The following TRIM55 variants were observed in gnomAD, a reference collection of about 807,000 sequenced individuals.
The protein encoded by TRIM55 is tripartite motif-containing protein 55.
TRIM55 carries 50 observed loss-of-function variants against 60.9 expected under a neutral mutation model. The ratio of observed to expected loss-of-function variants is 0.82; its 90% CI spans 0.65 to 1.04. TRIM55 has a LOEUF of 1.04. Ranked by LOEUF, TRIM55 falls within the 50% of genes least tolerant of loss-of-function variation. The pLI, the probability that TRIM55 is intolerant of heterozygous loss-of-function variation, is 0.00. For synonymous variants in TRIM55, 237 were observed against 238.1 expected (o/e 1.00, Z 0.04); for missense variants, 681 against 666.9 (o/e 1.02, Z -0.23).
chr8:66,166,762 C>G (rs1428576748), intron 9 of TRIM55, among the ~76,000 whole-genome samples: 1 of 152,150 alleles, frequency 6.6e-6, no homozygotes, highest in East Asian at 1.9e-4. Flanking sequence ...TAGCTGGGAG[C>G]TTGTTGCCTT....
At chr8:66,121,701 T>C in the TRIM55 span, among the ~76,000 whole-genome samples, 2 of 152,188 alleles carry the variant, frequency 1.3e-5, no homozygotes, top group Non-Finnish European at 2.9e-5. Context: ...GTTTTCTGTA[T>C]ATCACTTCCT....
chr8:66,157,137 T>C (rs994166671), intron 9 of TRIM55, among the ~76,000 whole-genome samples: 6 of 152,140 alleles, frequency 3.9e-5, no homozygotes, highest in Non-Finnish European at 7.4e-5. Flanking sequence ...AGAGGGAGTG[T>C]CATGCTTCAA....
intron 1 of TRIM55, among the ~76,000 whole-genome samples, chr8:66,127,855 A>G (rs1199428951): frequency 6.6e-6 from 1 of 152,154 alleles, no homozygotes; most frequent in Non-Finnish European, 1.5e-5. Context: ...AAACAAACAA[A>G]CAAAAAAACT....
chr8:66,172,559 T>C (rs372049514), intron 9 of TRIM55, among the ~76,000 whole-genome samples: 1 of 152,162 alleles, frequency 6.6e-6, no homozygotes, highest in South Asian at 2.1e-4. Flanking sequence ...ATGAAGGCAA[T>C]AGTGGGTTAA....
In TRIM55 at chr8:66,128,444, TATC is replaced by T. The variant is rs1808953451; in HGVS notation, c.312_314del (p.Ile105del). The T allele has an allele frequency of 1.9e-6, 3 of 1,613,508 alleles. No homozygotes were observed. The African/African-American group carries it at 4.0e-5, about 22-fold the overall frequency. ...TTCAGAGGAACCTGCTGGTGGAAAA[TATC>T]ATTGACATCTACAAGCAGGAGTCCA... On this transcript the variant is annotated inframe_deletion, in exon 2 of 10. Transcript: ENST00000315962.
chr8:66,127,533 A>T, intron 1 of TRIM55, 97 bp downstream of exon 1: 1 of 1,455,234 alleles, frequency 6.9e-7, no homozygotes, highest in Non-Finnish European at 9.4e-7. Context: ...CCTTTAAAAA[A>T]CTTTATAAGG....
At chr8:66,149,518 C>T in intron 4 of TRIM55, 127 bp from the exon 5 acceptor site, 1 of 718,160 alleles carries the variant, frequency 1.4e-6, no homozygotes, top group South Asian at 1.9e-5. Flanking sequence ...CCTAAATAGA[C>T]ATCTTCAGGG....
upstream of TRIM55, among the ~76,000 whole-genome samples, chr8:66,122,850 G>T (rs1353750700): frequency 6.6e-6 from 1 of 152,140 alleles, no homozygotes; most frequent in Non-Finnish European, 1.5e-5. Flanking sequence ...TCTGACTCTA[G>T]TATAGCATCG....
chr8:66,130,907 C>T (rs906426845), intron 2 of TRIM55, among the ~76,000 whole-genome samples: 19 of 152,008 alleles, frequency 1.2e-4, no homozygotes, highest in African/African-American at 2.7e-4. Flanking sequence ...TTGATCCACC[C>T]GCCTCGGCTT....
Position 66,152,636 on chromosome 8 carries a change from T to G in TRIM55, c.1236+9T>G. ...ATGCCCCTGTGACACAGGTAACCCC[T>G]CCTGAGTCTCTTTCTACAGGGCACA... On this transcript the variant is annotated intron_variant, in intron 8 of 9. Transcript: ENST00000315962. 1.9e-6 allele frequency: 3 copies of G among 1,611,908 alleles called. No homozygotes were observed. The highest frequency in any genetic ancestry group is 2.5e-6 in the Non-Finnish European group (3 of 1,179,032).
chr8:66,147,960 A>C (rs1353022164), intron 4 of TRIM55, among the ~76,000 whole-genome samples: 1 of 152,220 alleles, frequency 6.6e-6, no homozygotes, highest in Non-Finnish European at 1.5e-5. Context: ...GCAATACATG[A>C]CATAAAAGAC....
the TRIM55 span, among the ~76,000 whole-genome samples, chr8:66,118,023 C>G: frequency 1 from 150,845 of 150,846 alleles, 75,422 homozygotes; most frequent in Non-Finnish European, 1. Flanking sequence ...AAAAAACTTA[C>G]CCGGGTGTGG....
chr8:66,124,308 A>C (rs1808739702), upstream of TRIM55, among the ~76,000 whole-genome samples: 1 of 152,218 alleles, frequency 6.6e-6, no homozygotes, highest in Non-Finnish European at 1.5e-5. Context: ...GTGTCCAGTG[A>C]GAAACTTTTA....
chr8:66,141,045 G>A (rs1385232182), intron 4 of TRIM55, among the ~76,000 whole-genome samples: 1 of 152,138 alleles, frequency 6.6e-6, no homozygotes, highest in Non-Finnish European at 1.5e-5. Flanking sequence ...CCTTGCACAT[G>A]TCTAATTTTG....
At chr8:66,168,486 A>G (rs1166321797) in intron 9 of TRIM55, among the ~76,000 whole-genome samples, 1 of 152,242 alleles carries the variant, frequency 6.6e-6, no homozygotes, top group African/African-American at 2.4e-5. Flanking sequence ...ACCTGCTTCC[A>G]GCATCTGGCT....
intron 9 of TRIM55, chr8:66,155,651 C>T: frequency 6.2e-7 from 1 of 1,612,932 alleles, no homozygotes; most frequent in East Asian, 2.2e-5. Flanking sequence ...GCGCTTTTGG[C>T]TTTTCTTATT....
chr8:66,140,081 A>T (rs9643575), intron 4 of TRIM55, among the ~76,000 whole-genome samples: 1 of 152,122 alleles, frequency 6.6e-6, no homozygotes, highest in Non-Finnish European at 1.5e-5. Flanking sequence ...TAGGAGCAAT[A>T]GATTGTGCTA....
intron 4 of TRIM55, among the ~76,000 whole-genome samples, chr8:66,141,311 C>T (rs976836880): frequency 2.0e-5 from 3 of 152,116 alleles, no homozygotes; most frequent in Admixed American, 6.6e-5. Flanking sequence ...TGAACTGAGC[C>T]GTGAGTCTTT....
At chr8:66,150,673 C>CTT (rs201862185) in intron 7 of TRIM55, among the ~76,000 whole-genome samples, 10 of 142,070 alleles carry the variant, frequency 7.0e-5, no homozygotes, top group African/African-American at 2.3e-4. Context: ...CATATGGTGC[C>CTT]TTTTTTTTTT....
Sources: gnomAD v4.1 joint callset for allele counts (sites outside exome capture counted in the v4.1 genomes callset) on GRCh38, gnomAD v4.1.1 for gene constraint, MANE v1.5 for transcripts, NCBI Gene and HGNC (gene_info 2026-07-23, HGNC 2026-07-21) for gene names.